Variants in AGBL5 observed in about 807,000 individuals in gnomAD.
AGBL5 encodes AGBL carboxypeptidase 5, also known as cytosolic carboxypeptidase-like protein 5.
A neutral mutation model predicts 88.0 loss-of-function variants in AGBL5; 51 were observed. That is an observed-to-expected ratio of 0.58 (90% CI 0.46 to 0.73). The LOEUF (loss-of-function observed/expected upper bound fraction) is 0.73. Ranked by LOEUF, AGBL5 falls within the 30% of genes least tolerant of loss-of-function variation. The pLI is 0.00. For synonymous variants in AGBL5, 446 were observed against 438.8 expected, an observed-to-expected ratio of 1.02 and a Z score of -0.21; for missense variants, 1,031 against 1,162.2, an observed-to-expected ratio of 0.89 and a Z score of 1.64.
chr2:27,066,567 A>C (rs1668998973), intron 11 of AGBL5, among the ~76,000 whole-genome samples: 1 of 152,162 alleles, frequency 6.6e-6, no homozygotes, highest in African/African-American at 2.4e-5. Flanking sequence ...AAGGGGCAGG[A>C]AGAACAGCTG....
chr2:27,060,739 T>C (rs1292909966), intron 11 of AGBL5, among the ~76,000 whole-genome samples: 1 of 152,218 alleles, frequency 6.6e-6, no homozygotes, highest in African/African-American at 2.4e-5. Flanking sequence ...GCAACTTGAT[T>C]ATCTGCTTCC....
chr2:27,059,762 T>C (rs17005809), intron 11 of AGBL5, among the ~76,000 whole-genome samples: 1,647 of 152,308 alleles, frequency 0.011, 32 homozygotes, highest in African/African-American at 0.038. Context: ...GGGAATGTCC[T>C]CAGAATCCAA....
At chr2:27,060,053 G>C (rs925145722) in intron 11 of AGBL5, among the ~76,000 whole-genome samples, 36 of 152,242 alleles carry the variant, frequency 2.4e-4, no homozygotes, top group Non-Finnish European at 1.2e-4. Flanking sequence ...GGTAACTGAG[G>C]CAGGAGAATC....
rs767709080 is a variant in AGBL5 at position 27,053,565 on chromosome 2, A to G, written c.379A>G (p.Thr127Ala). Reference sequence around the variant, plus strand: ...CTGGGAACGCATTCGAGACCGGCCCACCTTTGAGGTAAGTTCTCCATGAGG... The same window carrying G: ...CTGGGAACGCATTCGAGACCGGCCCGCCTTTGAGGTAAGTTCTCCATGAGG... Reference protein sequence around the residue: ...PRWERIRDRPTFEMTETQFVL... With the variant: ...PRWERIRDRPAFEMTETQFVL... The change falls in exon 3 of 15, where the codon ACC (threonine) becomes GCC (alanine). Residue 127 changes from threonine (T) to alanine (A), a missense_variant. Around this residue, in one of 2 missense-constraint regions of AGBL5, gnomAD observed 540 missense variants for 678.2 expected, o/e 0.80. Coordinates refer to ENST00000360131, the MANE Select transcript of AGBL5 (RefSeq NM_021831.6). This position sits in a 1 kb window ranked among gnomAD's most constrained non-coding sequence, Gnocchi z 4.9. 3 of 1,611,956 alleles carry G rather than the reference A, an allele frequency of 1.9e-6. No homozygotes were observed.
chr2:27,067,711 T>G lies in AGBL5; in HGVS notation c.2242+65T>G, dbSNP rs879056488. 3.1e-6 allele frequency: 5 copies of G among 1,594,304 alleles called. No individual in the cohort carries two copies. In the South Asian group the frequency reaches 5.5e-5, roughly 18 times the overall value. ...TCCTCCATGGCCAGGCCAGGTTCTT[T>G]AAGCCTAGTTGGGAGACCAGGGGCA... is the stretch of plus-strand genomic sequence containing the variant. On this transcript the variant is annotated intron_variant, in intron 12 of 14. Coordinates refer to ENST00000360131, the MANE Select transcript of AGBL5 (RefSeq NM_021831.6).
chr2:27,054,056 G>A lies in AGBL5; in HGVS notation c.548G>A (p.Ser183Asn). The A allele has an allele frequency of 6.2e-7, 1 of 1,610,954 alleles. No homozygotes were observed. The highest frequency in any genetic ancestry group is 8.5e-7 in the Non-Finnish European group (1 of 1,178,062). Residue 183 changes from serine (S) to asparagine (N), a missense_variant, in exon 4 of 15, where the codon AGC becomes AAC. Coordinates refer to ENST00000360131, the MANE Select transcript of AGBL5 (RefSeq NM_021831.6). ...QRFPENHPTHSSPLDTIYYHR... is the reference protein window; with the variant it reads ...QRFPENHPTHNSPLDTIYYHR... ...TTTCCGGAGAACCACCCTACCCATA[G>A]CAGGTGCCAGCCCCATTCTTACTCC...
At chr2:27,060,679 G>T (rs1020179280) in intron 11 of AGBL5, among the ~76,000 whole-genome samples, 1 of 152,166 alleles carries the variant, frequency 6.6e-6, no homozygotes, top group Non-Finnish European at 1.5e-5. Context: ...TGGAGGAGAG[G>T]GCAATGGTCC....
In AGBL5 at chr2:27,070,393, C is replaced by G. The variant is rs76059932; in HGVS notation, c.*130C>G. On this transcript the variant is annotated 3_prime_UTR_variant, in exon 15 of 15. Transcript: ENST00000360131. ...GTCCTTGGAATGCCAGCCACGCTGTCCAAGGCATTACAGAGTATCACCTTG... is the reference window on the plus strand; with the variant it reads ...GTCCTTGGAATGCCAGCCACGCTGTGCAAGGCATTACAGAGTATCACCTTG... The G allele has an allele frequency of 0.01, 9,414 of 938,494 alleles. 82 individuals are homozygous for G. Among genetic ancestry groups the G allele is most frequent in the Non-Finnish European group, 0.014 (8,338 of 607,134 alleles). 58.1% of individuals were successfully genotyped at this position (938,494 alleles called of 1,614,324 possible). A position where few individuals can be genotyped will look rare whatever the true frequency, so the allele number is the denominator to read the frequency against.
rs1010064496 is a variant in AGBL5 at position 27,070,168 on chromosome 2, C to T, written c.2566C>T (p.Pro856Ser). The T allele has an allele frequency of 6.2e-7, 1 of 1,614,238 alleles. No individual in the cohort carries two copies. Among genetic ancestry groups the T allele is most frequent in the Admixed American group, 1.7e-5 (1 of 60,028 alleles). ...TATATCCTGTAGTCTATCTGACTCC[C>T]CATCCTGGAATTGTTACAGCAGGGG... ...SPISCSLSDS[P>S]SWNCYSRGPL... Residue 856 changes from proline (P) to serine (S), a missense_variant, in exon 15 of 15, where the codon CCA becomes TCA. Pro to Ser is a moderately conservative substitution (Grantham distance 74). Coordinates refer to ENST00000360131, the MANE Select transcript of AGBL5 (RefSeq NM_021831.6).
chr2:27,062,413 A>G (rs1668759069), intron 11 of AGBL5: 1 of 152,216 alleles, frequency 6.6e-6, no homozygotes, highest in Non-Finnish European at 1.5e-5. Context: ...GGCATGAGCC[A>G]TGGCGTCCGG....
At chr2:27,069,083 C>T (rs1483437111) in intron 13 of AGBL5, 5 of 1,350,310 alleles carry the variant, frequency 3.7e-6, no homozygotes, top group African/African-American at 2.9e-5. Context: ...GGAGGGGTCC[C>T]GGATTCCCCA....
chr2:27,057,716 G>C (rs1044111798), intron 9 of AGBL5, among the ~76,000 whole-genome samples: 1 of 152,138 alleles, frequency 6.6e-6, no homozygotes, highest in Non-Finnish European at 1.5e-5. Context: ...CATTCTATTG[G>C]ATTTATTAGT....
chr2:27,061,044 GT>G (rs2148289546), intron 11 of AGBL5: 1 of 152,056 alleles, frequency 6.6e-6, no homozygotes, highest in African/African-American at 2.4e-5. Context: ...TCTGCTTAAA[GT>G]TTTTCTTCTG....
At chr2:27,063,085 G>A (rs1027387707) in intron 11 of AGBL5, among the ~76,000 whole-genome samples, 1 of 152,234 alleles carries the variant, frequency 6.6e-6, no homozygotes, top group Non-Finnish European at 1.5e-5. Context: ...AGAGAGATAA[G>A]TATTAGAAAA....
intron 11 of AGBL5, among the ~76,000 whole-genome samples, chr2:27,066,344 C>A (rs1001481574): frequency 1.3e-5 from 2 of 151,634 alleles, no homozygotes; most frequent in Non-Finnish European, 2.9e-5. Context: ...AACAAGGTTT[C>A]TAGCAGTTGG....
intron 7 of AGBL5, 150 bp from the exon 8 acceptor site, chr2:27,056,473 A>T: frequency 2.7e-6 from 2 of 748,102 alleles, no homozygotes; most frequent in Non-Finnish European, 2.1e-6. Context: ...AAGTAATGTC[A>T]AACTGAGAAT....
chr2:27,052,851 C>T (rs748041910), intron 1 of AGBL5, 62 bp from the exon 2 acceptor site: 74 of 972,536 alleles, frequency 7.6e-5, no homozygotes, highest in African/African-American at 1.0e-4. Flanking sequence ...TCAAGAGATA[C>T]CCAGAAAACT....
chr2:27,058,278 C>T, intron 9 of AGBL5, 122 bp from the exon 10 acceptor site: 1 of 1,124,088 alleles, frequency 8.9e-7, no homozygotes. Context: ...AAGGTTAGGG[C>T]ATCCAATGAG....
intron 7 of AGBL5, 125 bp downstream of exon 7, chr2:27,056,263 C>T (rs1668429337): frequency 9.6e-7 from 1 of 1,042,882 alleles, no homozygotes. Context: ...TGTAGACTAC[C>T]TCTGAAAAAG....
Sources: allele counts gnomAD v4.1 joint callset (sites outside exome capture counted in the v4.1 genomes callset), GRCh38; gene constraint gnomAD v4.1.1; regional missense constraint gnomAD v4.1.1; non-coding constraint Gnocchi (gnomAD v3.1); transcripts MANE v1.5; gene names NCBI Gene and HGNC (gene_info 2026-07-23, HGNC 2026-07-21).